The following KCND2 variants were observed in gnomAD, a reference collection of about 807,000 sequenced individuals.
KCND2 encodes the protein A-type voltage-gated potassium channel KCND2.
In KCND2, 16 loss-of-function variants were observed where a neutral mutation model predicts 54.4. The ratio of observed to expected loss-of-function variants is 0.29; its 90% confidence interval spans 0.20 to 0.45. The LOEUF (loss-of-function observed/expected upper bound fraction) is 0.45, where lower values mean the gene tolerates loss of function less well. Ranked by LOEUF, KCND2 falls within the 20% of genes least tolerant of loss-of-function variation. The pLI, the probability that KCND2 is intolerant of heterozygous loss-of-function variation, is 1.00. For missense variants in KCND2, 486 were observed against 824.2 expected (o/e 0.59, Z 5.02); for synonymous variants, 317 against 310.7 (o/e 1.02, Z -0.21).
intron 1 of KCND2, among the ~76,000 whole-genome samples, chr7:120,474,173 C>T (rs1184342150): frequency 6.6e-6 from 1 of 152,138 alleles, no homozygotes; most frequent in African/African-American, 2.4e-5. Flanking sequence ...TTTGGTGAGG[C>T]CCTCCGTGGT....
At chr7:120,652,824 A>T (rs576932549) in intron 1 of KCND2, among the ~76,000 whole-genome samples, 387 of 152,356 alleles carry the variant, frequency 2.5e-3, no homozygotes, top group Non-Finnish European at 3.9e-3. Context: ...AGATCTGAAG[A>T]GAGGAAGAAA....
At chr7:120,711,095 C>A (rs1792531477) in intron 1 of KCND2, among the ~76,000 whole-genome samples, 1 of 151,606 alleles carries the variant, frequency 6.6e-6, no homozygotes, top group African/African-American at 2.4e-5. Context: ...GCATATGACA[C>A]AAAAATACGA....
chr7:120,466,607 C>T (rs1802373453), intron 1 of KCND2, among the ~76,000 whole-genome samples: 1 of 152,120 alleles, frequency 6.6e-6, no homozygotes, highest in Non-Finnish European at 1.5e-5. Context: ...CCCCTCTCTA[C>T]AGCTCATTTC....
intron 1 of KCND2, among the ~76,000 whole-genome samples, chr7:120,322,706 G>A (rs539302809): frequency 4.6e-5 from 7 of 152,024 alleles, no homozygotes; most frequent in African/African-American, 1.2e-4. Flanking sequence ...TGTTAACTCC[G>A]GTTAAGAATG....
At chr7:120,575,215 G>C (rs1373528963) in intron 1 of KCND2, among the ~76,000 whole-genome samples, 1 of 152,134 alleles carries the variant, frequency 6.6e-6, no homozygotes, top group Admixed American at 6.5e-5. Flanking sequence ...GATCAAGGAA[G>C]CCAGTCAAGT....
At chr7:120,471,610 T>A (rs1031533251) in intron 1 of KCND2, among the ~76,000 whole-genome samples, 1 of 152,142 alleles carries the variant, frequency 6.6e-6, no homozygotes, top group African/African-American at 2.4e-5. Flanking sequence ...ACTTGTAGCC[T>A]ATTTAATCTC....
At chr7:120,591,934 G>A (rs577416919) in intron 1 of KCND2, among the ~76,000 whole-genome samples, 1 of 152,286 alleles carries the variant, frequency 6.6e-6, no homozygotes, top group East Asian at 1.9e-4. Context: ...TGTGCAAATG[G>A]TTTTATAGAA....
At chr7:120,694,806 T>C (rs1792314645) in intron 1 of KCND2, among the ~76,000 whole-genome samples, 1 of 152,174 alleles carries the variant, frequency 6.6e-6, no homozygotes, top group Non-Finnish European at 1.5e-5. Flanking sequence ...CCATTACCTG[T>C]CTGTGCAGTG....
At chr7:120,629,701 G>A (rs1793209486) in intron 1 of KCND2, among the ~76,000 whole-genome samples, 1 of 152,142 alleles carries the variant, frequency 6.6e-6, no homozygotes, top group Non-Finnish European at 1.5e-5. Context: ...GAGCAGTATT[G>A]GCTGACATTG....
chr7:120,674,807 A>G (rs959670995), intron 1 of KCND2, among the ~76,000 whole-genome samples: 5 of 152,142 alleles, frequency 3.3e-5, no homozygotes, highest in South Asian at 2.1e-4. Context: ...TATATTACTT[A>G]TATTCTACCA....
chr7:120,306,605 A>G (rs1482233934), intron 1 of KCND2, among the ~76,000 whole-genome samples: 1 of 152,034 alleles, frequency 6.6e-6, no homozygotes, highest in Non-Finnish European at 1.5e-5. Flanking sequence ...AAATATCTCT[A>G]ATTTTATAAA....
chr7:120,475,577 C>A (rs1419570886), intron 1 of KCND2, among the ~76,000 whole-genome samples: 2 of 152,034 alleles, frequency 1.3e-5, no homozygotes, highest in African/African-American at 4.8e-5. Context: ...GTTTTACAGA[C>A]GAAAACAGGT....
chr7:120,599,670 C>A (rs1394485823), intron 1 of KCND2, among the ~76,000 whole-genome samples: 8 of 151,856 alleles, frequency 5.3e-5, no homozygotes, highest in Admixed American at 5.2e-4. Context: ...ATTGTGCTAC[C>A]TTGTTAAACT....
At chr7:120,732,810 A>C (rs1015718871) in intron 1 of KCND2, 93 bp from the exon 2 acceptor site, 2 of 997,818 alleles carry the variant, frequency 2.0e-6, no homozygotes, top group East Asian at 5.2e-5. Context: ...TGTCCAAAAA[A>C]TCATTTGACT....
intron 1 of KCND2, among the ~76,000 whole-genome samples, chr7:120,698,022 C>CTTTTTTTTTTTTT (rs35589294): frequency 9.3e-5 from 8 of 85,592 alleles, no homozygotes; most frequent in East Asian, 3.2e-4. Flanking sequence ...TAGATTTGCC[C>CTTTTTTTTTTTTT]TTTTTTTTTT....
chr7:120,460,478 C>T (rs1422289643), intron 1 of KCND2, among the ~76,000 whole-genome samples: 1 of 151,280 alleles, frequency 6.6e-6, no homozygotes, highest in Non-Finnish European at 1.5e-5. Context: ...TCTTTTTCAT[C>T]ATTTCAGTGT....
Position 120,591,215 on chromosome 7 carries a change from T to C in KCND2, c.1116-141688T>C, listed in dbSNP as rs548027579. Among the ~76,000 whole-genome samples, 49 of 152,342 alleles carry C rather than the reference T, an allele frequency of 3.2e-4. No individual in the cohort carries two copies. The South Asian group carries it at 8.7e-3, about 27-fold the overall frequency. On this transcript the variant is annotated intron_variant, in intron 1 of 5. Transcript: ENST00000331113. The stretch of plus-strand genomic sequence containing the variant: ...ATGAAACAAGTTTTTACAAATTTGG[T>C]GAATGCTTATGAGATAATTGGGGAT...
chr7:120,641,399 C>T (rs1373636017), intron 1 of KCND2, among the ~76,000 whole-genome samples: 3 of 152,152 alleles, frequency 2.0e-5, no homozygotes, highest in Non-Finnish European at 2.9e-5. Flanking sequence ...CCAGCCAAGC[C>T]TTCCCCTCCC....
chr7:120,626,654 T>A (rs1793167673), intron 1 of KCND2, among the ~76,000 whole-genome samples: 1 of 152,210 alleles, frequency 6.6e-6, no homozygotes, highest in Non-Finnish European at 1.5e-5. Flanking sequence ...AAAATAAATG[T>A]TACAGTAGTC....
Sources: allele counts gnomAD v4.1 joint callset (sites outside exome capture counted in the v4.1 genomes callset), GRCh38; gene constraint gnomAD v4.1.1; transcripts MANE v1.5; gene names NCBI Gene and HGNC (gene_info 2026-07-23, HGNC 2026-07-21).